Variants in HACL1 observed in about 807,000 individuals in gnomAD.
HACL1 encodes the protein 2-hydroxyacyl-CoA lyase 1, also known as 1600020H07Rik.
Under a neutral mutation model 74.2 loss-of-function variants are expected in HACL1, and 64 were observed. The ratio of observed to expected loss-of-function variants is 0.86; its 90% CI spans 0.70 to 1.06. The LOEUF (loss-of-function observed/expected upper bound fraction) is 1.06, where lower values mean the gene tolerates loss of function less well. HACL1 is among the 50% of genes least tolerant of loss of function. The probability of loss-of-function intolerance (pLI) is 0.00; values close to 1 mark genes in which losing one functional copy is unlikely to be tolerated. For missense variants in HACL1, 728 were observed against 719.7 expected, an observed-to-expected ratio of 1.01 and a Z score of -0.13; for synonymous variants, 230 against 238.8, an observed-to-expected ratio of 0.96 and a Z score of 0.34.
intron 16 of HACL1, among the ~76,000 whole-genome samples, chr3:15,561,369 G>A (rs2063344116): frequency 6.6e-6 from 1 of 152,192 alleles, no homozygotes; most frequent in African/African-American, 2.4e-5. Flanking sequence ...GAGAATCAAT[G>A]ATAAATGGCA....
chr3:15,595,076 G>GAAA (rs2064031865), intron 3 of HACL1, among the ~76,000 whole-genome samples: 1 of 151,970 alleles, frequency 6.6e-6, no homozygotes, highest in Non-Finnish European at 1.5e-5. Context: ...CCACTGAGCC[G>GAAA]AGATTGCACC....
intron 14 of HACL1, among the ~76,000 whole-genome samples, chr3:15,567,311 G>A (rs1314126796): frequency 6.9e-6 from 1 of 144,598 alleles, no homozygotes; most frequent in Non-Finnish European, 1.5e-5. Flanking sequence ...CCCAGTTCAA[G>A]CAACTCTTCT....
chr3:15,593,702 C>A (rs1295661868), intron 3 of HACL1, among the ~76,000 whole-genome samples: 2 of 147,466 alleles, frequency 1.4e-5, no homozygotes, highest in African/African-American at 5.0e-5. Flanking sequence ...TTTTTCATTT[C>A]TTAACAAATA....
chr3:15,584,832 A>T (rs1476906937), intron 7 of HACL1, among the ~76,000 whole-genome samples: 1 of 152,210 alleles, frequency 6.6e-6, no homozygotes, highest in Non-Finnish European at 1.5e-5. Context: ...AATCATAGAA[A>T]CCTCTATACT....
intron 3 of HACL1, among the ~76,000 whole-genome samples, chr3:15,592,506 ATATACACTTGTATACATATACACATG>A (rs1278162904): frequency 4.9e-5 from 7 of 142,194 alleles, no homozygotes; most frequent in Non-Finnish European, 1.1e-4. Flanking sequence ...ATACACTTGT[ATATACACTTGTATACATATACACATG>A]TATACACATG....
chr3:15,571,820 C>CTTTTCTT (rs2063536411), intron 11 of HACL1, 51 bp from the exon 12 acceptor site: 2 of 307,488 alleles, frequency 6.5e-6, no homozygotes, highest in Admixed American at 6.7e-5. Flanking sequence ...TTTTCTTTGC[C>CTTTTCTT]TTTTTTTTCT....
intron 8 of HACL1, 37 bp from the exon 9 acceptor site, chr3:15,580,082 A>G (rs371788060): frequency 6.4e-7 from 1 of 1,562,912 alleles, no homozygotes; most frequent in East Asian, 2.3e-5. Flanking sequence ...AATTCAGTTA[A>G]GCTATAGGCA....
Position 15,601,491 on chromosome 3 carries a change from C to T in HACL1, c.-28G>A, listed in dbSNP as rs374340973. 5.0e-6 allele frequency: 8 copies of T among 1,611,012 alleles called. No individual in the cohort carries two copies. The African/African-American group carries it at 8.0e-5, about 16-fold the overall frequency. ...TCCACCGAAAAGCTCTAAGCACTCACGCAGCCGGCAAACAAGCGGAATCAT... is the reference window on the plus strand; with the variant it reads ...TCCACCGAAAAGCTCTAAGCACTCATGCAGCCGGCAAACAAGCGGAATCAT... On this transcript the variant is annotated 5_prime_UTR_variant, in exon 1 of 17. The change creates a new upstream start codon in the 5' untranslated region. Transcript: ENST00000321169.
chr3:15,600,606 C>T (rs1225179132), intron 2 of HACL1, among the ~76,000 whole-genome samples: 1 of 152,202 alleles, frequency 6.6e-6, no homozygotes, highest in African/African-American at 2.4e-5. Context: ...CCACCCTGCC[C>T]CGAACCAATC....
chr3:15,568,436 G>T lies in HACL1; in HGVS notation c.1246C>A (p.His416Asn). 1 of 1,577,262 alleles carries T rather than the reference G, an allele frequency of 6.3e-7. No individual in the cohort carries two copies. Among genetic ancestry groups the T allele is most frequent in the South Asian group, 1.2e-5 (1 of 86,092 alleles). The stretch of plus-strand genomic sequence containing the variant: ...TTTCTTCTTTAGAAGTCTTACCTGT[G>T]ACGAGGAAGGTAGTTCTGAAGCACA... ...RTVLQNYLPRHRLDAGTFGTM... is the reference protein window; with the variant it reads ...RTVLQNYLPRNRLDAGTFGTM... Residue 416 changes from histidine (H) to asparagine (N), a missense_variant, in exon 13 of 17, where the codon CAC becomes AAC. Physicochemically the swap from His to Asn is moderately conservative, Grantham distance 68. Coordinates refer to ENST00000321169, the MANE Select transcript of HACL1 (RefSeq NM_012260.4).
chr3:15,586,887 C>A (rs2063804682), intron 5 of HACL1, among the ~76,000 whole-genome samples: 1 of 152,126 alleles, frequency 6.6e-6, no homozygotes, highest in Admixed American at 6.5e-5. Flanking sequence ...CTTCTATAAA[C>A]TGCTGGTGAG....
At chr3:15,577,227 G>GT (rs1399088566) in intron 9 of HACL1, among the ~76,000 whole-genome samples, 15 of 152,162 alleles carry the variant, frequency 9.9e-5, no homozygotes, top group Admixed American at 6.5e-5. Flanking sequence ...GCTCACACCT[G>GT]TAATCCCAGC....
At chr3:15,590,079 A>C (rs2063863998) in intron 4 of HACL1, among the ~76,000 whole-genome samples, 1 of 147,232 alleles carries the variant, frequency 6.8e-6, no homozygotes, top group Non-Finnish European at 1.5e-5. Context: ...TCTAAGAAGC[A>C]ACCTGATATG....
At chr3:15,565,779 C>T (rs1179301645) in intron 14 of HACL1, among the ~76,000 whole-genome samples, 2 of 152,194 alleles carry the variant, frequency 1.3e-5, no homozygotes, top group Admixed American at 6.5e-5. Flanking sequence ...CAGACACATA[C>T]AGTCAGACCT....
intron 3 of HACL1, among the ~76,000 whole-genome samples, chr3:15,592,235 TAC>T (rs1291910676): frequency 4.2e-4 from 64 of 150,618 alleles, no homozygotes; most frequent in African/African-American, 1.5e-3. Context: ...CATACGTATA[TAC>T]GTATACATAC....
intron 16 of HACL1, among the ~76,000 whole-genome samples, chr3:15,563,077 G>C (rs919571469): frequency 1.3e-5 from 2 of 152,104 alleles, no homozygotes; most frequent in Non-Finnish European, 2.9e-5. Flanking sequence ...CTGTCATAGT[G>C]TGTTCAGTTG....
intron 11 of HACL1, 103 bp downstream of exon 11, chr3:15,573,056 A>G (rs2063563461): frequency 4.3e-6 from 3 of 703,502 alleles, no homozygotes; most frequent in Non-Finnish European, 5.1e-6. Context: ...TAAAACAGAT[A>G]TGAATAGTAG....
At chr3:15,573,378 T>C (rs2063570586) in intron 10 of HACL1, 136 bp from the exon 11 acceptor site, 1 of 598,478 alleles carries the variant, frequency 1.7e-6, no homozygotes, top group Non-Finnish European at 3.0e-6. Context: ...AGTTCCTTAA[T>C]AAAAAAAGTA....
At chr3:15,562,882 A>G (rs77291680) in intron 16 of HACL1, among the ~76,000 whole-genome samples, 3,833 of 152,236 alleles carry the variant, frequency 0.025, 85 homozygotes, top group Admixed American at 0.034. Context: ...TCCTCTTGCT[A>G]CAGAGCCTGT....
Sources: gnomAD v4.1 joint callset for allele counts (sites outside exome capture counted in the v4.1 genomes callset) on GRCh38, gnomAD v4.1.1 for gene constraint, MANE v1.5 for transcripts, NCBI Gene and HGNC (gene_info 2026-07-23, HGNC 2026-07-21) for gene names.